USP25: variants seen among roughly 807,000 people sequenced by gnomAD.
USP25 encodes ubiquitin carboxyl-terminal hydrolase 25.
USP25 carries 85 observed loss-of-function variants against 158.5 expected under a neutral mutation model. The observed-to-expected ratio is 0.54, with a 90% confidence interval of 0.45 to 0.64. USP25 has a LOEUF of 0.64. Ranked by LOEUF, USP25 falls within the 30% of genes least tolerant of loss-of-function variation. The probability of loss-of-function intolerance (pLI) is 0.00; values close to 1 mark genes in which losing one functional copy is unlikely to be tolerated. For missense variants in USP25, 1,242 were observed against 1,327.3 expected, an observed-to-expected ratio of 0.94 and a Z score of 1.00; for synonymous variants, 464 against 460.4, an observed-to-expected ratio of 1.01 and a Z score of -0.10.
chr21:15,776,284 G>T (rs1451043751), intron 3 of USP25, among the ~76,000 whole-genome samples: 2 of 151,074 alleles, frequency 1.3e-5, no homozygotes, highest in Admixed American at 1.3e-4. Flanking sequence ...CTGTATTTTT[G>T]GGGGGCCCTA....
At chr21:15,760,189 A>C (rs1052338307) in intron 1 of USP25, among the ~76,000 whole-genome samples, 4 of 152,242 alleles carry the variant, frequency 2.6e-5, no homozygotes, top group African/African-American at 7.2e-5. Flanking sequence ...TGGCCATGCA[A>C]CTGTGTTGTG....
intron 8 of USP25, among the ~76,000 whole-genome samples, chr21:15,809,443 G>A (rs2036548153): frequency 2.0e-5 from 3 of 152,014 alleles, no homozygotes; most frequent in Admixed American, 2.0e-4. Context: ...AATTAGGATG[G>A]CGGCTACGAA....
At chr21:15,819,615 A>G (rs1568847159) in intron 10 of USP25, among the ~76,000 whole-genome samples, 2 of 152,172 alleles carry the variant, frequency 1.3e-5, no homozygotes, top group African/African-American at 4.8e-5. Flanking sequence ...GTAACTGCAT[A>G]CATAATACTT....
At chr21:15,774,066 A>T (rs2034505428) in intron 3 of USP25, among the ~76,000 whole-genome samples, 1 of 152,306 alleles carries the variant, frequency 6.6e-6, no homozygotes, top group East Asian at 1.9e-4. Context: ...ATAATAATGG[A>T]TATTCTTTTT....
chr21:15,827,765 C>CGT (rs34923569), intron 14 of USP25, among the ~76,000 whole-genome samples: 20,126 of 136,652 alleles, frequency 0.15, 1,604 homozygotes, highest in South Asian at 0.23. Context: ...TGTGCGTGTG[C>CGT]GTGTGTGTGT....
In USP25 at chr21:15,879,401, T is replaced by C. The variant is rs962683235; in HGVS notation, c.*926T>C. 2.0e-5 allele frequency: 3 copies of C among 152,492 alleles called. No individual in the cohort carries two copies. Among genetic ancestry groups the C allele is most frequent in the African/African-American group, 7.2e-5 (3 of 41,450 alleles). The allele number at this position is 152,492 out of a possible 1,614,324, so 9.4% of individuals were successfully genotyped here. A position where few individuals can be genotyped will look rare whatever the true frequency, so the allele number is the denominator to read the frequency against. ...CAATGTTTTGCAATATATAAATCAT[T>C]CTATTTTTGTAAATTGTATATCACT... is the stretch of plus-strand genomic sequence containing the variant. On this transcript the variant is annotated 3_prime_UTR_variant, in exon 26 of 26. Transcript: ENST00000400183.
In USP25 at chr21:15,831,449, G is replaced by A. The variant is rs142062408; in HGVS notation, c.1813G>A (p.Ala605Thr). Residue 605 changes from alanine to threonine, a missense_variant, in exon 16 of 26, where the codon GCT (alanine) becomes ACT (threonine). By Grantham distance (58) the Ala-to-Thr change is moderately conservative. Around this residue, in one of 3 missense-constraint regions of USP25, gnomAD observed 7 missense variants for 20.6 expected, o/e 0.34. Coordinates refer to ENST00000400183, the MANE Select transcript of USP25 (RefSeq NM_001283041.3). ...TTTAGTTCACGAAGGCCAAGCTAAT[G>A]CTGGGCACTACTGGGCATATATTTT... ...AVLVHEGQANAGHYWAYIFDH... is the reference protein window; with the variant it reads ...AVLVHEGQANTGHYWAYIFDH... 1.9e-6 allele frequency: 3 copies of A among 1,613,886 alleles called. No individual in the cohort carries two copies. In the African/African-American group the frequency reaches 4.0e-5, roughly 22 times the overall value.
At chr21:15,832,139 G>A (rs1204511643) in intron 16 of USP25, among the ~76,000 whole-genome samples, 1 of 152,146 alleles carries the variant, frequency 6.6e-6, no homozygotes. Context: ...CAATTCAGGT[G>A]TCATTTCCCC....
chr21:15,806,246 A>G (rs1314368834), intron 7 of USP25, among the ~76,000 whole-genome samples: 1 of 151,650 alleles, frequency 6.6e-6, no homozygotes, highest in Non-Finnish European at 1.5e-5. Context: ...CCAAACCATC[A>G]TTTTCGGGCA....
intron 1 of USP25, among the ~76,000 whole-genome samples, chr21:15,752,460 C>T (rs760733807): frequency 2.6e-5 from 4 of 151,102 alleles, no homozygotes; most frequent in Non-Finnish European, 5.9e-5. Flanking sequence ...GTGATCCACC[C>T]ATCTTGGCCT....
intron 20 of USP25, among the ~76,000 whole-genome samples, chr21:15,853,349 AC>A (rs1228359607): frequency 6.6e-6 from 1 of 151,976 alleles, no homozygotes; most frequent in Non-Finnish European, 1.5e-5. Flanking sequence ...ATACATGTAC[AC>A]ACACATGCAC....
intron 1 of USP25, among the ~76,000 whole-genome samples, chr21:15,742,810 C>G (rs997307390): frequency 6.6e-6 from 1 of 152,260 alleles, no homozygotes; most frequent in Admixed American, 6.5e-5. Flanking sequence ...GCTCGCTCTG[C>G]CTGCTCGGCC....
chr21:15,768,106 C>T (rs1370405995), intron 3 of USP25, among the ~76,000 whole-genome samples: 1 of 151,974 alleles, frequency 6.6e-6, no homozygotes, highest in Non-Finnish European at 1.5e-5. Flanking sequence ...ATTTTATTTT[C>T]CACTTGAAAT....
chr21:15,743,804 G>A (rs766766258), intron 1 of USP25, among the ~76,000 whole-genome samples: 20 of 152,238 alleles, frequency 1.3e-4, no homozygotes, highest in African/African-American at 1.9e-4. Context: ...TGTGGCGCCT[G>A]CCTAGGAATT....
chr21:15,827,765 C>CGTGTGTGTGTGT (rs34923569), intron 14 of USP25, among the ~76,000 whole-genome samples: 3 of 136,810 alleles, frequency 2.2e-5, no homozygotes, highest in Non-Finnish European at 4.9e-5. Flanking sequence ...TGTGCGTGTG[C>CGTGTGTGTGTGT]GTGTGTGTGT....
rs117970121 is a variant in USP25 at position 15,797,214 on chromosome 21, A to G, written c.556-2543A>G. 1.3e-4 allele frequency among the ~76,000 whole-genome samples: 20 copies of G among 151,578 alleles called. No homozygotes were observed. In the East Asian group the frequency reaches 3.9e-3, roughly 29 times the overall value. ...GAGTAAAAGGAAATAGGGCAAAAGC[A>G]TGTTTGAAGAGATTACTCACAATAT... On this transcript the variant is annotated intron_variant, in intron 5 of 25. Transcript: ENST00000400183.
chr21:15,730,558 C>T (rs2030709311), intron 1 of USP25, 120 bp downstream of exon 1: 6 of 1,138,816 alleles, frequency 5.3e-6, no homozygotes, highest in South Asian at 7.0e-5. Flanking sequence ...TCCCCGGTCA[C>T]CCCCGGCCCC....
At chr21:15,849,692 G>A in intron 19 of USP25, 85 bp from the exon 20 acceptor site, 1 of 1,050,572 alleles carries the variant, frequency 9.5e-7, no homozygotes, top group East Asian at 2.7e-5. Context: ...TATAAATATG[G>A]AAAACAAAAG....
At chr21:15,771,329 G>A (rs995734603) in intron 3 of USP25, among the ~76,000 whole-genome samples, 2 of 150,710 alleles carry the variant, frequency 1.3e-5, no homozygotes, top group Non-Finnish European at 3.0e-5. Context: ...AGGAACAGTA[G>A]ACCTGGACAT....
Sources: gnomAD v4.1 joint callset for allele counts (sites outside exome capture counted in the v4.1 genomes callset) on GRCh38, gnomAD v4.1.1 for gene constraint, gnomAD v4.1.1 regional missense constraint, MANE v1.5 for transcripts, NCBI Gene and HGNC (gene_info 2026-07-23, HGNC 2026-07-21) for gene names.